MAGI1: variants seen among roughly 807,000 people sequenced by gnomAD.
The protein encoded by MAGI1 is membrane-associated guanylate kinase, WW and PDZ domain-containing protein 1.
Under a neutral mutation model 139.9 loss-of-function variants are expected in MAGI1, and 58 were observed. The observed-to-expected ratio is 0.41, with a 90% confidence interval of 0.34 to 0.52. The LOEUF (loss-of-function observed/expected upper bound fraction) is 0.52, where lower values mean the gene tolerates loss of function less well. Ranked by LOEUF, MAGI1 falls within the 20% of genes least tolerant of loss-of-function variation. The pLI is 0.12. For synonymous variants in MAGI1, 812 were observed against 737.9 expected, an observed-to-expected ratio of 1.10 and a Z score of -1.63; for missense variants, 1,874 against 1,901.6, an observed-to-expected ratio of 0.99 and a Z score of 0.27.
chr3:65,687,758 T>C, intron 1 of MAGI1: 1 of 557,174 alleles, frequency 1.8e-6, no homozygotes, highest in Non-Finnish European at 3.6e-6. Context: ...CCTTCTGAAG[T>C]TTTGACCATG....
intron 1 of MAGI1, among the ~76,000 whole-genome samples, chr3:66,002,539 C>T (rs2107452382): frequency 6.6e-6 from 1 of 152,080 alleles, no homozygotes; most frequent in South Asian, 2.1e-4. Context: ...TTTTTGGGGA[C>T]AGACTCTCAC....
chr3:65,967,870 T>A (rs913433934), intron 1 of MAGI1, among the ~76,000 whole-genome samples: 5 of 152,098 alleles, frequency 3.3e-5, no homozygotes, highest in African/African-American at 1.2e-4. Context: ...TTCATCCAGG[T>A]GAAGCTGAGC....
chr3:65,417,344 A>C (rs1412138564), intron 12 of MAGI1, among the ~76,000 whole-genome samples: 2 of 152,122 alleles, frequency 1.3e-5, no homozygotes, highest in African/African-American at 4.8e-5. Context: ...AAAAAGACTG[A>C]TATAATGGAG....
chr3:65,703,150 G>T (rs962862836), intron 1 of MAGI1, among the ~76,000 whole-genome samples: 1 of 152,098 alleles, frequency 6.6e-6, no homozygotes, highest in African/African-American at 2.4e-5. Flanking sequence ...TTTGGCAGGG[G>T]GTGGCTGGCT....
chr3:65,811,927 CGTGT>C (rs71102883), intron 1 of MAGI1, among the ~76,000 whole-genome samples: 78,962 of 148,184 alleles, frequency 0.53, 21,060 homozygotes, highest in East Asian at 0.72. Context: ...TGTATGTTTA[CGTGT>C]GTGTGTGTGT....
chr3:65,517,278 A>G (rs1037219366), intron 2 of MAGI1, among the ~76,000 whole-genome samples: 4 of 152,086 alleles, frequency 2.6e-5, no homozygotes, highest in Admixed American at 2.0e-4. Context: ...CTTGCTCCCA[A>G]ACTTCCTTCA....
intron 2 of MAGI1, among the ~76,000 whole-genome samples, chr3:65,503,233 T>A (rs1406178666): frequency 6.6e-6 from 1 of 152,176 alleles, no homozygotes; most frequent in Non-Finnish European, 1.5e-5. Context: ...CTGATTGTCA[T>A]CCCTATAACA....
chr3:65,477,519 A>C (rs1950959787), intron 4 of MAGI1, among the ~76,000 whole-genome samples: 1 of 152,104 alleles, frequency 6.6e-6, no homozygotes, highest in Non-Finnish European at 1.5e-5. Flanking sequence ...ATTTAAGTAC[A>C]ATAACAACAG....
intron 1 of MAGI1, among the ~76,000 whole-genome samples, chr3:65,634,295 A>G (rs1302676355): frequency 6.6e-6 from 1 of 152,210 alleles, no homozygotes; most frequent in Non-Finnish European, 1.5e-5. Context: ...CAAAAAACCA[A>G]CACATATTCT....
At chr3:65,362,235 T>C (rs1296648118) in intron 21 of MAGI1, among the ~76,000 whole-genome samples, 2 of 152,212 alleles carry the variant, frequency 1.3e-5, no homozygotes, top group Non-Finnish European at 2.9e-5. Flanking sequence ...AATCAGGTAA[T>C]ACATGTAAAC....
intron 1 of MAGI1, among the ~76,000 whole-genome samples, chr3:65,727,574 T>A (rs1401857217): frequency 1.3e-5 from 2 of 152,188 alleles, no homozygotes; most frequent in Non-Finnish European, 1.5e-5. Flanking sequence ...GGAAGATATT[T>A]TATGATAAAC....
At chr3:65,814,350 T>C (rs936249281) in intron 1 of MAGI1, among the ~76,000 whole-genome samples, 1 of 152,158 alleles carries the variant, frequency 6.6e-6, no homozygotes, top group Non-Finnish European at 1.5e-5. Context: ...CAATACTCCA[T>C]CATAGAAGTT....
intron 1 of MAGI1, among the ~76,000 whole-genome samples, chr3:65,887,543 T>C (rs940089968): frequency 1.3e-5 from 2 of 152,008 alleles, no homozygotes; most frequent in East Asian, 3.9e-4. Flanking sequence ...AAAACCTGTA[T>C]CTATTTCTTT....
At chr3:65,531,378 G>A (rs1247176768) in intron 2 of MAGI1, among the ~76,000 whole-genome samples, 5 of 152,084 alleles carry the variant, frequency 3.3e-5, no homozygotes, top group African/African-American at 4.8e-5. Context: ...ATACATTATC[G>A]TCAGGGGAAC....
At chr3:65,706,659 G>T (rs2030351672) in intron 1 of MAGI1, among the ~76,000 whole-genome samples, 1 of 152,174 alleles carries the variant, frequency 6.6e-6, no homozygotes, top group African/African-American at 2.4e-5. Flanking sequence ...GGGATGAGAA[G>T]GGAAAGAGAT....
chr3:65,676,520 A>G (rs2087201547), intron 1 of MAGI1, among the ~76,000 whole-genome samples: 1 of 152,168 alleles, frequency 6.6e-6, no homozygotes. Flanking sequence ...AGGAAGAAAA[A>G]CACTCCAATT....
intron 1 of MAGI1, among the ~76,000 whole-genome samples, chr3:65,678,380 T>C (rs1424709579): frequency 6.6e-6 from 1 of 152,136 alleles, no homozygotes; most frequent in Non-Finnish European, 1.5e-5. Context: ...ATTAGCTGCT[T>C]ATACAGCAAA....
intron 18 of MAGI1, chr3:65,371,750 A>G (rs1942024024): frequency 4.9e-6 from 1 of 205,474 alleles, no homozygotes; most frequent in East Asian, 1.5e-4. Context: ...ATTTCAACAA[A>G]GTTTGCAACA....
Position 65,364,703 on chromosome 3 carries a change from C to T in MAGI1, c.3313G>A (p.Glu1105Lys), listed in dbSNP as rs1393758989. Reference protein sequence around the residue: ...ETRNTTKPKQESQFEFKAPQA... With the variant: ...ETRNTTKPKQKSQFEFKAPQA... ...GGTGCTTTGAACTCAAATTGAGATT[C>T]CTGCTTTGGTTTGGTGGTATTCCTG... Residue 1105 changes from glutamate to lysine, a missense_variant, in exon 20 of 23, where the codon GAA becomes AAA. Glu to Lys is a moderately conservative substitution (Grantham distance 56). This residue lies in a region of MAGI1 where 653 missense variants were observed against 644.5 expected (regional missense o/e 1.01). Transcript: ENST00000402939. 1 of 1,614,064 alleles carries T rather than the reference C, an allele frequency of 6.2e-7. No homozygotes were observed. The highest frequency in any genetic ancestry group is 8.5e-7 in the Non-Finnish European group (1 of 1,179,978).
Sources: allele counts gnomAD v4.1 joint callset (sites outside exome capture counted in the v4.1 genomes callset), GRCh38; gene constraint gnomAD v4.1.1; regional missense constraint gnomAD v4.1.1; transcripts MANE v1.5; gene names NCBI Gene and HGNC (gene_info 2026-07-23, HGNC 2026-07-21).